The following EFNA5 variants were observed in gnomAD, a reference collection of about 807,000 sequenced individuals.
EFNA5 encodes ephrin-A5.
Under a neutral mutation model 22.9 loss-of-function variants are expected in EFNA5, and 5 were observed. That is an observed-to-expected ratio of 0.22 (90% confidence interval 0.11 to 0.46). The LOEUF (loss-of-function observed/expected upper bound fraction) is 0.46. EFNA5 is among the 20% of genes least tolerant of loss of function. The probability of loss-of-function intolerance (pLI) is 0.99; values close to 1 mark genes in which losing one functional copy is unlikely to be tolerated. For missense variants in EFNA5, 237 were observed against 293.3 expected (o/e 0.81, Z 1.40); for synonymous variants, 113 against 112.2 (o/e 1.01, Z -0.04).
intron 1 of EFNA5, among the ~76,000 whole-genome samples, chr5:107,596,284 C>T (rs748540480): frequency 6.6e-6 from 1 of 152,136 alleles, no homozygotes; most frequent in African/African-American, 2.4e-5. Context: ...ACAATAACTC[C>T]CCATTTTCCC....
chr5:107,444,813 A>C (rs1417992375), intron 1 of EFNA5, among the ~76,000 whole-genome samples: 1 of 152,136 alleles, frequency 6.6e-6, no homozygotes, highest in Non-Finnish European at 1.5e-5. Context: ...TAATTTTCAG[A>C]CATGGTTTCC....
chr5:107,659,705 G>A (rs1465610587), intron 1 of EFNA5, among the ~76,000 whole-genome samples: 5 of 151,590 alleles, frequency 3.3e-5, no homozygotes, highest in East Asian at 1.9e-4. Flanking sequence ...TGCAAAAGAC[G>A]TAATGATAAT....
intron 1 of EFNA5, among the ~76,000 whole-genome samples, chr5:107,510,911 A>G (rs936070292): frequency 4.6e-5 from 7 of 152,236 alleles, no homozygotes; most frequent in African/African-American, 1.7e-4. Flanking sequence ...AAACTATTTT[A>G]AACTACATGG....
intron 1 of EFNA5, among the ~76,000 whole-genome samples, chr5:107,488,582 G>A (rs1446135353): frequency 6.6e-6 from 1 of 152,140 alleles, no homozygotes; most frequent in Non-Finnish European, 1.5e-5. Flanking sequence ...AAGTTTAAAA[G>A]AGCACTCCAT....
chr5:107,581,511 G>A (rs1218381167), intron 1 of EFNA5, among the ~76,000 whole-genome samples: 1 of 152,140 alleles, frequency 6.6e-6, no homozygotes, highest in Non-Finnish European at 1.5e-5. Flanking sequence ...TTATACTTCA[G>A]TTTCAATGAA....
At chr5:107,569,378 TA>T (rs1340206554) in intron 1 of EFNA5, among the ~76,000 whole-genome samples, 2 of 146,054 alleles carry the variant, frequency 1.4e-5, no homozygotes, top group African/African-American at 5.0e-5. Flanking sequence ...TATATATATA[TA>T]TATTTTTATG....
intron 1 of EFNA5, among the ~76,000 whole-genome samples, chr5:107,533,045 G>A (rs1042374684): frequency 3.3e-5 from 5 of 152,106 alleles, no homozygotes; most frequent in Non-Finnish European, 5.9e-5. Flanking sequence ...ATTTATTGGC[G>A]TTGGAGAAGG....
intron 1 of EFNA5, among the ~76,000 whole-genome samples, chr5:107,658,962 C>A (rs1447381405): frequency 6.6e-6 from 1 of 152,078 alleles, no homozygotes; most frequent in Non-Finnish European, 1.5e-5. Flanking sequence ...ACAGTGGACA[C>A]CTGACATAAA....
At position 107,476,744 on chromosome 5, in the gene EFNA5, T is replaced by G. The variant is rs958123437; in HGVS notation, c.126-49235A>C. Among the ~76,000 whole-genome samples the G allele has an allele frequency of 2.5e-3, 374 of 151,578 alleles. 2 individuals carry two copies. The highest frequency in any genetic ancestry group is 8.9e-3 in the African/African-American group (368 of 41,146). On this transcript the variant is annotated intron_variant, in intron 1 of 4. Transcript: ENST00000333274. ...TGTTTATTTTTTCTCTTTCTCTCTC[T>G]CTCTCTCTCTCTCTCTCACAGGAAC...
intron 1 of EFNA5, among the ~76,000 whole-genome samples, chr5:107,642,934 G>GAAAAAA (rs34467356): frequency 7.5e-6 from 1 of 133,774 alleles, no homozygotes; most frequent in Non-Finnish European, 1.6e-5. Flanking sequence ...TTCCTCACCT[G>GAAAAAA]AAAAAAAAAA....
At chr5:107,581,405 A>G (rs1282560270) in intron 1 of EFNA5, among the ~76,000 whole-genome samples, 2 of 152,220 alleles carry the variant, frequency 1.3e-5, no homozygotes, top group Non-Finnish European at 2.9e-5. Flanking sequence ...AGCAACAGAG[A>G]CACGCTGTGC....
intron 1 of EFNA5, among the ~76,000 whole-genome samples, chr5:107,500,390 CAA>C (rs971348427): frequency 2.0e-5 from 3 of 152,174 alleles, no homozygotes; most frequent in Non-Finnish European, 4.4e-5. Context: ...CTCTTTACTG[CAA>C]AGTCTTTCTT....
At chr5:107,595,279 A>T (rs1380041239) in intron 1 of EFNA5, among the ~76,000 whole-genome samples, 1 of 152,168 alleles carries the variant, frequency 6.6e-6, no homozygotes, top group Admixed American at 6.6e-5. Context: ...CCTAAGAGGA[A>T]GAAAAGTCAG....
At chr5:107,569,555 A>G (rs1158427683) in intron 1 of EFNA5, among the ~76,000 whole-genome samples, 13 of 100,128 alleles carry the variant, frequency 1.3e-4, no homozygotes, top group African/African-American at 4.3e-4. Context: ...GTGTATATAT[A>G]TATTTATATA....
intron 1 of EFNA5, among the ~76,000 whole-genome samples, chr5:107,488,205 T>C (rs374063527): frequency 2.6e-5 from 4 of 152,346 alleles, no homozygotes; most frequent in Middle Eastern, 3.4e-3. Flanking sequence ...TACTAACCGC[T>C]GTATACAAAT....
intron 1 of EFNA5, among the ~76,000 whole-genome samples, chr5:107,470,147 C>T (rs535546411): frequency 1.3e-5 from 2 of 152,112 alleles, no homozygotes; most frequent in Non-Finnish European, 2.9e-5. Context: ...GCTGGAGAGC[C>T]GCTCCTTTGC....
At chr5:107,517,685 A>G (rs2112440321) in intron 1 of EFNA5, among the ~76,000 whole-genome samples, 1 of 152,348 alleles carries the variant, frequency 6.6e-6, no homozygotes, top group Non-Finnish European at 1.5e-5. Context: ...GTGACAAGTC[A>G]TATTACAAGT....
At chr5:107,655,808 T>C (rs943334508) in intron 1 of EFNA5, among the ~76,000 whole-genome samples, 44 of 152,174 alleles carry the variant, frequency 2.9e-4, no homozygotes, top group African/African-American at 1.0e-3. Context: ...CAGGTTTCAA[T>C]GCATTAAAAT....
chr5:107,473,044 G>A (rs1191733676), intron 1 of EFNA5, among the ~76,000 whole-genome samples: 1 of 152,054 alleles, frequency 6.6e-6, no homozygotes, highest in African/African-American at 2.4e-5. Context: ...CTTACCTCCT[G>A]GGGTTGCTCT....
Sources: allele counts gnomAD v4.1 joint callset (sites outside exome capture counted in the v4.1 genomes callset), GRCh38; gene constraint gnomAD v4.1.1; transcripts MANE v1.5; gene names NCBI Gene and HGNC (gene_info 2026-07-23, HGNC 2026-07-21).